The following USP33 variants were observed in gnomAD, a reference collection of about 807,000 sequenced individuals.
USP33 encodes ubiquitin carboxyl-terminal hydrolase 33.
USP33 carries 46 observed loss-of-function variants against 124.2 expected under a neutral mutation model. The ratio of observed to expected loss-of-function variants is 0.37; its 90% confidence interval spans 0.29 to 0.47. The LOEUF (loss-of-function observed/expected upper bound fraction) is 0.47. USP33 is among the 20% of genes least tolerant of loss of function. The pLI is 0.99. For synonymous variants in USP33, 350 were observed against 352.3 expected (o/e 0.99, Z 0.07); for missense variants, 851 against 1,070.6 (o/e 0.79, Z 2.86).
At chr1:77,756,938 A>G (rs1325204951) in intron 1 of USP33, among the ~76,000 whole-genome samples, 1 of 152,246 alleles carries the variant, frequency 6.6e-6, no homozygotes, top group Non-Finnish European at 1.5e-5. Flanking sequence ...CATGTGGATC[A>G]CATACCTCTT....
chr1:77,741,925 G>C (rs934229885), intron 1 of USP33, among the ~76,000 whole-genome samples, 177 bp from the exon 2 acceptor site: 1 of 152,072 alleles, frequency 6.6e-6, no homozygotes, highest in Admixed American at 6.6e-5. Flanking sequence ...TGAGTTTTCA[G>C]AATTGAAGTT....
Position 77,715,797 on chromosome 1 carries a change from T to G in USP33, c.1990A>C (p.Thr664Pro), listed in dbSNP as rs1209588911. ...LWYEFDDQSV[T>P]EVSESTVQNA... ...TGTACAGTAGATTCTGAAACTTCAG[T>G]GACACTCTGATCATCAAATTCATAC... The change falls in exon 18 of 24, where the codon ACT becomes CCT. Residue 664 changes from threonine to proline, a missense_variant. Around this residue, in one of 4 missense-constraint regions of USP33, gnomAD observed 281 missense variants for 425.0 expected, o/e 0.66. Coordinates refer to ENST00000370794, the MANE Select transcript of USP33 (RefSeq NM_201624.3). 6.2e-7 allele frequency: 1 copy of G among 1,614,070 alleles called. No homozygotes were observed. Among genetic ancestry groups the G allele is most frequent in the Non-Finnish European group, 8.5e-7 (1 of 1,179,952 alleles).
intron 18 of USP33, among the ~76,000 whole-genome samples, chr1:77,715,329 C>T (rs1675752909): frequency 6.6e-6 from 1 of 152,138 alleles, no homozygotes; most frequent in African/African-American, 2.4e-5. Context: ...GCCTCAGCCT[C>T]CCCAGTAGCT....
At position 77,721,794 on chromosome 1, in the gene USP33, C is replaced by T. The variant is rs760567820; in HGVS notation, c.1657+37G>A. 50 of 1,558,648 alleles carry T rather than the reference C, an allele frequency of 3.2e-5. No homozygotes were observed. In the Admixed American group the frequency reaches 9.5e-4, roughly 30 times the overall value. ...TAGTCCCACTAGTATTTTAGATTTA[C>T]CTACAAAAATTTAGCCATAGATATT... is the stretch of plus-strand genomic sequence containing the variant. On this transcript the variant is annotated intron_variant, in intron 14 of 23. Coordinates refer to ENST00000370794, the MANE Select transcript of USP33 (RefSeq NM_201624.3).
At chr1:77,734,927 T>G (rs1029855673) in intron 6 of USP33, among the ~76,000 whole-genome samples, 2 of 152,038 alleles carry the variant, frequency 1.3e-5, no homozygotes, top group African/African-American at 4.8e-5. Context: ...ATCGAGACCA[T>G]CCTGGCTAAC....
chr1:77,750,184 G>A (rs1680163057), intron 1 of USP33, among the ~76,000 whole-genome samples: 1 of 152,108 alleles, frequency 6.6e-6, no homozygotes, highest in South Asian at 2.1e-4. Flanking sequence ...CGTGCATAGT[G>A]GTGGGTGCCT....
At chr1:77,703,387 G>T (rs1468762639) in intron 21 of USP33, among the ~76,000 whole-genome samples, 1 of 152,062 alleles carries the variant, frequency 6.6e-6, no homozygotes, top group African/African-American at 2.4e-5. Flanking sequence ...CAGCACTTTG[G>T]AAGGCCAAGG....
At chr1:77,750,680 G>GAAAGA (rs1557872912) in intron 1 of USP33, among the ~76,000 whole-genome samples, 1 of 144,520 alleles carries the variant, frequency 6.9e-6, no homozygotes, top group African/African-American at 2.6e-5. Context: ...AAGAAAGAAA[G>GAAAGA]AAAGAAAAAG....
intron 19 of USP33, among the ~76,000 whole-genome samples, chr1:77,714,269 T>C (rs572664633): frequency 6.6e-6 from 1 of 152,120 alleles, no homozygotes; most frequent in South Asian, 2.1e-4. Context: ...AAATGATGTA[T>C]AATAGAGGAG....
intron 7 of USP33, among the ~76,000 whole-genome samples, chr1:77,731,410 G>A (rs1325062625): frequency 6.6e-6 from 1 of 152,184 alleles, no homozygotes; most frequent in African/African-American, 2.4e-5. Context: ...TGATTAGCTT[G>A]AGGGAATCTC....
chr1:77,729,761 G>T, intron 9 of USP33, 99 bp downstream of exon 9: 1 of 1,033,226 alleles, frequency 9.7e-7, no homozygotes, highest in South Asian at 1.4e-5. Flanking sequence ...AAGACACAAG[G>T]AGTGATGACC....
Position 77,723,322 on chromosome 1 carries a change from C to T in USP33, c.1389+9G>A, listed in dbSNP as rs1459099003. ...AATTTTCTGTGTATTCTAATACCCT[C>T]ATACTCACCCTGTCACAAGTCAGAC... On this transcript the variant is annotated intron_variant, in intron 12 of 23. Coordinates refer to ENST00000370794, the MANE Select transcript of USP33 (RefSeq NM_201624.3). 6.4e-7 allele frequency: 1 copy of T among 1,573,922 alleles called. No homozygotes were observed. The highest frequency in any genetic ancestry group is 1.7e-5 in the Admixed American group (1 of 59,072).
rs183021813 is a variant in USP33 at position 77,730,615 on chromosome 1, T to C, written c.638+3A>G. 367 of 1,543,414 alleles carry C rather than the reference T, an allele frequency of 2.4e-4. No individual in the cohort carries two copies. In the South Asian group the frequency reaches 2.5e-3, roughly 11 times the overall value. On this transcript the variant is annotated splice_donor_region_variant and intron_variant, in intron 8 of 23. Transcript: ENST00000370794. The stretch of plus-strand genomic sequence containing the variant: ...AAGAAGAAGAGTATATTAAGTTACA[T>C]ACCTGCTTTTATGCCACAGCTCTGT...
intron 20 of USP33, among the ~76,000 whole-genome samples, chr1:77,712,306 A>G (rs1175782365): frequency 2.0e-5 from 3 of 152,214 alleles, no homozygotes; most frequent in Non-Finnish European, 4.4e-5. Context: ...GTTTTAAAAT[A>G]AAGGTCAGGA....
chr1:77,697,523 T>A (rs749364099), intron 23 of USP33, 49 bp from the exon 24 acceptor site: 3 of 1,537,688 alleles, frequency 2.0e-6, no homozygotes, highest in African/African-American at 1.4e-5. Flanking sequence ...TATATTCATA[T>A]TGCAAAAGCG....
Position 77,697,460 on chromosome 1 carries a change from G to C in USP33, c.2593C>G (p.Gln865Glu), listed in dbSNP as rs370932717. 47 of 1,599,332 alleles carry C rather than the reference G, an allele frequency of 2.9e-5. No homozygotes were observed. The highest frequency in any genetic ancestry group is 3.9e-5 in the Non-Finnish European group (46 of 1,176,312). Reference sequence around the variant, plus strand: ...AAATTCCATGTTTCTTCAGAAATCTGGCCAGAATCTGCTCCTTAAAATTAC... The same window carrying C: ...AAATTCCATGTTTCTTCAGAAATCTCGCCAGAATCTGCTCCTTAAAATTAC... Reference protein sequence around the residue: ...VMLRQGADSGQISEETWNFLQ... With the variant: ...VMLRQGADSGEISEETWNFLQ... Residue 865 changes from glutamine to glutamate, a missense_variant, in exon 24 of 24, where the codon CAG becomes GAG. Transcript: ENST00000370794.
At chr1:77,750,566 G>A (rs751807012) in intron 1 of USP33, among the ~76,000 whole-genome samples, 17 of 150,404 alleles carry the variant, frequency 1.1e-4, no homozygotes, top group Non-Finnish European at 2.4e-4. Flanking sequence ...AGGTTGCAGT[G>A]AGCCAAGATT....
intron 17 of USP33, among the ~76,000 whole-genome samples, chr1:77,716,229 AT>A (rs1271015572): frequency 6.6e-6 from 1 of 151,614 alleles, no homozygotes; most frequent in Admixed American, 6.6e-5. Context: ...CAGCTAATTT[AT>A]TTTTGTTTTT....
At chr1:77,744,220 G>C (rs191394677) in intron 1 of USP33, among the ~76,000 whole-genome samples, 13 of 151,244 alleles carry the variant, frequency 8.6e-5, no homozygotes, top group Admixed American at 8.6e-4. Context: ...TTAAAGGAAT[G>C]AAAAAATTCA....
Sources: gnomAD v4.1 joint callset for allele counts (sites outside exome capture counted in the v4.1 genomes callset) on GRCh38, gnomAD v4.1.1 for gene constraint, gnomAD v4.1.1 regional missense constraint, MANE v1.5 for transcripts, NCBI Gene and HGNC (gene_info 2026-07-23, HGNC 2026-07-21) for gene names.